TMEM178B: variants seen among roughly 807,000 people sequenced by gnomAD.
The protein encoded by TMEM178B is transmembrane protein 178B.
A neutral mutation model predicts 31.0 loss-of-function variants in TMEM178B; 5 were observed. The observed-to-expected ratio is 0.16, with a 90% CI of 0.08 to 0.34. The LOEUF (loss-of-function observed/expected upper bound fraction) is 0.34, where lower values mean the gene tolerates loss of function less well. Ranked by LOEUF, TMEM178B falls within the 10% of genes least tolerant of loss-of-function variation. TMEM178B has a pLI of 1.00. For synonymous variants in TMEM178B, 164 were observed against 164.0 expected (o/e 1.00, Z 0.00); for missense variants, 275 against 400.3 (o/e 0.69, Z 2.67).
At chr7:141,470,178 A>G (rs1269607919) in intron 3 of TMEM178B, among the ~76,000 whole-genome samples, 1 of 152,186 alleles carries the variant, frequency 6.6e-6, no homozygotes, top group Non-Finnish European at 1.5e-5. Flanking sequence ...AAGAAATACA[A>G]TGAATTTAAA....
At chr7:141,164,460 A>C (rs2129182048) in intron 1 of TMEM178B, among the ~76,000 whole-genome samples, 1 of 152,316 alleles carries the variant, frequency 6.6e-6, no homozygotes, top group East Asian at 1.9e-4. Flanking sequence ...GGACTGGGAC[A>C]GGACTTGGGT....
chr7:141,141,593 A>T (rs1261748242), intron 1 of TMEM178B, among the ~76,000 whole-genome samples: 1 of 152,192 alleles, frequency 6.6e-6, no homozygotes. Flanking sequence ...CCATGAGTTC[A>T]GGTGCTATGT....
chr7:141,093,899 G>A (rs1456239227), intron 1 of TMEM178B, among the ~76,000 whole-genome samples: 1 of 152,178 alleles, frequency 6.6e-6, no homozygotes, highest in African/African-American at 2.4e-5. Context: ...TTGACCAAGA[G>A]TGAATGGAAG....
chr7:141,165,696 C>G (rs1012518665), intron 1 of TMEM178B, among the ~76,000 whole-genome samples: 1 of 152,184 alleles, frequency 6.6e-6, no homozygotes, highest in Non-Finnish European at 1.5e-5. Context: ...GCTTTTACAG[C>G]TGGAATTTAG....
intron 2 of TMEM178B, among the ~76,000 whole-genome samples, chr7:141,357,726 C>T (rs1158498319): frequency 6.6e-6 from 1 of 152,198 alleles, no homozygotes. Flanking sequence ...GCCCTTGTTA[C>T]TTACAGTGTG....
At chr7:141,077,408 C>T (rs572658139) in intron 1 of TMEM178B, among the ~76,000 whole-genome samples, 3 of 152,130 alleles carry the variant, frequency 2.0e-5, no homozygotes, top group Non-Finnish European at 4.4e-5. Flanking sequence ...TTTGTTAAAT[C>T]GATGTTCATT....
chr7:141,374,823 A>C (rs1182711192), intron 2 of TMEM178B, among the ~76,000 whole-genome samples: 5 of 152,230 alleles, frequency 3.3e-5, no homozygotes, highest in Admixed American at 2.6e-4. Context: ...GATAGATGAG[A>C]TCATTACTGG....
intron 1 of TMEM178B, among the ~76,000 whole-genome samples, chr7:141,198,949 C>T (rs1796830199): frequency 2.0e-5 from 3 of 152,178 alleles, no homozygotes; most frequent in African/African-American, 7.2e-5. Context: ...AGATTATTTA[C>T]TACACACCAG....
chr7:141,507,964 C>A, the TMEM178B span, among the ~76,000 whole-genome samples: 1 of 152,242 alleles, frequency 6.6e-6, no homozygotes, highest in Non-Finnish European at 1.5e-5. Flanking sequence ...TGATCTTGGG[C>A]ATTAACATGA....
the TMEM178B span, among the ~76,000 whole-genome samples, chr7:141,498,231 A>T: frequency 1.1e-4 from 16 of 152,338 alleles, no homozygotes; most frequent in Non-Finnish European, 1.8e-4. Context: ...TCTTCTACCA[A>T]TTCCAAGGCT....
rs540078979 is a variant in TMEM178B, at chr7:141,464,344, A to G, written c.635-6192A>G. Among the ~76,000 whole-genome samples the G allele has an allele frequency of 5.3e-5, 8 of 152,272 alleles. No homozygotes were observed. The South Asian group carries it at 1.4e-3, about 28-fold the overall frequency. On this transcript the variant is annotated intron_variant, in intron 3 of 3. Transcript: ENST00000565468. ...TATTTATGACTCACGCTCTTCCTAGAGACTTCTAGACTTGGGAGGGAACCT... is the reference window on the plus strand; with the variant it reads ...TATTTATGACTCACGCTCTTCCTAGGGACTTCTAGACTTGGGAGGGAACCT...
Position 141,416,792 on chromosome 7 carries a change from G to A in TMEM178B, c.497-20816G>A, listed in dbSNP as rs558822997. ...AGAGATTGGCACACATGGGGCTAAC[G>A]GGGTGGGGATGCTTGTCTCTTGTAG... On this transcript the variant is annotated intron_variant, in intron 2 of 3. Transcript: ENST00000565468. Among the ~76,000 whole-genome samples, 60 of 152,276 alleles carry A rather than the reference G, an allele frequency of 3.9e-4. 1 individual carries two copies. The highest frequency in any genetic ancestry group is 1.4e-3 in the African/African-American group (57 of 41,570).
chr7:141,349,553 T>TC (rs1479820851), intron 2 of TMEM178B, among the ~76,000 whole-genome samples: 1 of 152,158 alleles, frequency 6.6e-6, no homozygotes, highest in Non-Finnish European at 1.5e-5. Flanking sequence ...CAGACAAAGA[T>TC]CCCTGTATTC....
At chr7:141,468,300 G>A (rs557193478) in intron 3 of TMEM178B, among the ~76,000 whole-genome samples, 1 of 152,282 alleles carries the variant, frequency 6.6e-6, no homozygotes, top group East Asian at 1.9e-4. Context: ...TGTGGGTGTG[G>A]GGCTCAGTGA....
chr7:141,238,803 G>A (rs1334452026), intron 2 of TMEM178B, among the ~76,000 whole-genome samples: 1 of 152,200 alleles, frequency 6.6e-6, no homozygotes, highest in East Asian at 1.9e-4. Context: ...GTGCTGCTGG[G>A]TTCTGTGTGG....
At chr7:141,196,162 C>T (rs1796780328) in intron 1 of TMEM178B, among the ~76,000 whole-genome samples, 1 of 152,134 alleles carries the variant, frequency 6.6e-6, no homozygotes, top group South Asian at 2.1e-4. Context: ...CACACACACA[C>T]AGTTCTATTT....
chr7:141,081,800 A>T (rs1442734854), intron 1 of TMEM178B, among the ~76,000 whole-genome samples: 2 of 152,350 alleles, frequency 1.3e-5, no homozygotes, highest in Non-Finnish European at 2.9e-5. Context: ...AGTATTTATA[A>T]GGTCTACAGT....
chr7:141,414,107 C>T (rs1801055884), intron 2 of TMEM178B, among the ~76,000 whole-genome samples: 1 of 12,332 alleles, frequency 8.1e-5, no homozygotes, highest in Non-Finnish European at 1.2e-4. Context: ...TTTTTTGAGA[C>T]GGAGTCCCGC....
At chr7:141,460,843 C>T (rs1198812165) in intron 3 of TMEM178B, among the ~76,000 whole-genome samples, 1 of 152,214 alleles carries the variant, frequency 6.6e-6, no homozygotes, top group Non-Finnish European at 1.5e-5. Flanking sequence ...GAGCCCCATC[C>T]CACTCAGCAT....
Sources: gnomAD v4.1 joint callset for allele counts (sites outside exome capture counted in the v4.1 genomes callset) on GRCh38, gnomAD v4.1.1 for gene constraint, MANE v1.5 for transcripts, NCBI Gene and HGNC (gene_info 2026-07-23, HGNC 2026-07-21) for gene names.